The following TTC28 variants were observed in gnomAD, a reference collection of about 807,000 sequenced individuals.
The protein encoded by TTC28 is tetratricopeptide repeat protein 28.
TTC28 carries 61 observed loss-of-function variants against 198.0 expected under a neutral mutation model. The ratio of observed to expected loss-of-function variants is 0.31; its 90% CI spans 0.25 to 0.38. The LOEUF is 0.38. TTC28 is among the 10% of genes least tolerant of loss of function. The pLI, the probability that TTC28 is intolerant of heterozygous loss-of-function variation, is 1.00. For missense variants in TTC28, 2,678 were observed against 3,164.0 expected, an observed-to-expected ratio of 0.85 and a Z score of 3.69; for synonymous variants, 1,171 against 1,297.8, an observed-to-expected ratio of 0.90 and a Z score of 2.10.
chr22:28,243,896 G>A (rs1929883847), intron 5 of TTC28, among the ~76,000 whole-genome samples: 1 of 152,194 alleles, frequency 6.6e-6, no homozygotes, highest in East Asian at 1.9e-4. Flanking sequence ...CACTTACTAT[G>A]TGGTAAGCAC....
At chr22:28,030,930 C>T (rs1601536021) in intron 12 of TTC28, among the ~76,000 whole-genome samples, 2 of 152,352 alleles carry the variant, frequency 1.3e-5, no homozygotes, top group Admixed American at 1.3e-4. Context: ...AGGGCAGGCA[C>T]CGCTGGAAAC....
At chr22:28,511,380 CA>C (rs1419608847) in intron 2 of TTC28, among the ~76,000 whole-genome samples, 6 of 152,178 alleles carry the variant, frequency 3.9e-5, no homozygotes, top group African/African-American at 1.4e-4. Flanking sequence ...TGATCTTTTA[CA>C]AACCTGACAA....
rs139903453 is a variant in TTC28 at position 28,464,290 on chromosome 22, T to A, written c.382-157647A>T. Among the ~76,000 whole-genome samples the A allele has an allele frequency of 2.2e-4, 33 of 152,286 alleles. No individual in the cohort carries two copies. In the East Asian group the frequency reaches 5.0e-3, roughly 23 times the overall value. On this transcript the variant is annotated intron_variant, in intron 2 of 22. Coordinates refer to ENST00000397906, the MANE Select transcript of TTC28 (RefSeq NM_001145418.2). ...TGGATGTGATACTGGAGTTTTAAATTTAACCAGAATTAATTTTTAATACCA... is the reference window on the plus strand; with the variant it reads ...TGGATGTGATACTGGAGTTTTAAATATAACCAGAATTAATTTTTAATACCA...
chr22:28,341,498 A>C (rs1051462379), intron 2 of TTC28, among the ~76,000 whole-genome samples: 4 of 152,172 alleles, frequency 2.6e-5, no homozygotes, highest in African/African-American at 9.7e-5. Context: ...CAAAAAATAA[A>C]AATAAAAATT....
intron 5 of TTC28, among the ~76,000 whole-genome samples, chr22:28,228,564 G>A (rs1417719652): frequency 2.0e-5 from 3 of 152,056 alleles, no homozygotes; most frequent in African/African-American, 7.2e-5. Context: ...GCTGGGCGTG[G>A]TGGTGTGCAA....
At chr22:28,495,752 A>G (rs911122792) in intron 2 of TTC28, among the ~76,000 whole-genome samples, 1 of 152,210 alleles carries the variant, frequency 6.6e-6, no homozygotes, top group Non-Finnish European at 1.5e-5. Context: ...GATTTCTTCA[A>G]GAAGATAAAA....
At chr22:28,416,208 C>G (rs185542642) in intron 2 of TTC28, among the ~76,000 whole-genome samples, 1 of 152,190 alleles carries the variant, frequency 6.6e-6, no homozygotes, top group Non-Finnish European at 1.5e-5. Context: ...GCTCCCACCT[C>G]TGGTTCCATT....
rs75068042 is a variant in TTC28, at chr22:28,674,266, T to G, written c.102+5356A>C. Among the ~76,000 whole-genome samples, 161 of 86,302 alleles carry G rather than the reference T, an allele frequency of 1.9e-3. 1 individual carries two copies. The highest frequency in any genetic ancestry group is 0.014 in the East Asian group (53 of 3,790). 56.6% of individuals were successfully genotyped at this position (86,302 alleles called of 152,430 possible). The stretch of plus-strand genomic sequence containing the variant: ...TCTGTTTGTGGTTTTTTCTTTGTGG[T>G]TTTTTTTTTTTTTTTTTTTGGTCTG... On this transcript the variant is annotated intron_variant, in intron 1 of 22. Coordinates refer to ENST00000397906, the MANE Select transcript of TTC28 (RefSeq NM_001145418.2).
intron 5 of TTC28, among the ~76,000 whole-genome samples, chr22:28,181,102 T>A (rs1884038423): frequency 6.6e-6 from 1 of 152,232 alleles, no homozygotes; most frequent in Non-Finnish European, 1.5e-5. Context: ...TGGTAACCTG[T>A]CAGCCTTTTC....
Position 28,486,664 on chromosome 22 carries a change from C to T in TTC28, c.381+142888G>A, listed in dbSNP as rs573302049. On this transcript the variant is annotated intron_variant, in intron 2 of 22. Transcript: ENST00000397906. ...AGAAGGGTCTACTCTTCACGGAAGG[C>T]CAATTGTAAAGTGGACAGAGCAAAG... Among the ~76,000 whole-genome samples, 13 of 152,204 alleles carry T rather than the reference C, an allele frequency of 8.5e-5. No homozygotes were observed. In the South Asian group the frequency reaches 2.7e-3, roughly 32 times the overall value.
intron 2 of TTC28, among the ~76,000 whole-genome samples, chr22:28,525,285 T>C (rs1039630387): frequency 1.3e-5 from 2 of 152,126 alleles, no homozygotes; most frequent in Admixed American, 1.3e-4. Flanking sequence ...CTCGAGTAGC[T>C]AGGACCACAG....
chr22:28,650,649 A>G (rs573308362), intron 1 of TTC28, among the ~76,000 whole-genome samples: 3 of 152,376 alleles, frequency 2.0e-5, no homozygotes, highest in African/African-American at 7.2e-5. Flanking sequence ...TAATGCAAAT[A>G]TAACTATTTT....
chr22:28,158,578 G>C (rs573304435), intron 6 of TTC28, among the ~76,000 whole-genome samples: 5 of 152,196 alleles, frequency 3.3e-5, no homozygotes, highest in African/African-American at 1.2e-4. Flanking sequence ...CAGACCAATG[G>C]AACAGAATAG....
intron 5 of TTC28, among the ~76,000 whole-genome samples, chr22:28,209,712 C>T (rs946474471): frequency 6.6e-6 from 1 of 152,212 alleles, no homozygotes; most frequent in African/African-American, 2.4e-5. Flanking sequence ...CTCTGGGGAG[C>T]AGGGCATAGC....
At chr22:28,316,397 C>A (rs1161105011) in intron 2 of TTC28, among the ~76,000 whole-genome samples, 1 of 152,112 alleles carries the variant, frequency 6.6e-6, no homozygotes, top group African/African-American at 2.4e-5. Context: ...CCAACTTTTT[C>A]TTTTCAAAAT....
intron 2 of TTC28, among the ~76,000 whole-genome samples, chr22:28,543,527 AAAG>A (rs1487929161): frequency 5.3e-5 from 8 of 151,788 alleles, no homozygotes; most frequent in Non-Finnish European, 1.2e-4. Flanking sequence ...GAGAGAAAGA[AAAG>A]AAGAGAGAGA....
At chr22:28,447,779 C>A (rs1222486396) in intron 2 of TTC28, among the ~76,000 whole-genome samples, 1 of 152,158 alleles carries the variant, frequency 6.6e-6, no homozygotes, top group Non-Finnish European at 1.5e-5. Flanking sequence ...TCTAAAACTT[C>A]AAAGTGATAC....
intron 2 of TTC28, among the ~76,000 whole-genome samples, chr22:28,585,450 G>A (rs906621107): frequency 6.6e-6 from 1 of 152,148 alleles, no homozygotes; most frequent in Non-Finnish European, 1.5e-5. Context: ...CGAATCTAAT[G>A]CCACTGCTGA....
chr22:28,261,130 T>C (rs1482715297), intron 5 of TTC28, among the ~76,000 whole-genome samples: 1 of 152,138 alleles, frequency 6.6e-6, no homozygotes, highest in Non-Finnish European at 1.5e-5. Context: ...GCTCTCTTGA[T>C]TCCTCCCAAG....
Sources: allele counts gnomAD v4.1 joint callset (sites outside exome capture counted in the v4.1 genomes callset), GRCh38; gene constraint gnomAD v4.1.1; transcripts MANE v1.5; gene names NCBI Gene and HGNC (gene_info 2026-07-23, HGNC 2026-07-21).